Variants in ABHD6 observed in about 807,000 individuals in gnomAD.
ABHD6 encodes abhydrolase domain containing 6, acylglycerol lipase.
A neutral mutation model predicts 38.8 loss-of-function variants in ABHD6; 33 were observed. That is an observed-to-expected ratio of 0.85 (90% CI 0.64 to 1.14). The LOEUF (loss-of-function observed/expected upper bound fraction) is 1.14. ABHD6 is among the 50% of genes most tolerant of loss of function. ABHD6 has a pLI of 0.00. For missense variants in ABHD6, 380 were observed against 422.6 expected, an observed-to-expected ratio of 0.90 and a Z score of 0.88; for synonymous variants, 147 against 161.6, an observed-to-expected ratio of 0.91 and a Z score of 0.69.
At position 58,281,433 on chromosome 3, in the gene ABHD6, GT is replaced by G. The variant is rs995987036; in HGVS notation, c.682-3650del. 1.2e-3 allele frequency among the ~76,000 whole-genome samples: 177 copies of G among 152,332 alleles called. 1 individual carries two copies. Among genetic ancestry groups the G allele is most frequent in the African/African-American group, 4.0e-3 (168 of 41,588 alleles). ...CGGGAGAGAATCTTCTTGTCTGCCA[GT>G]TGCTAAGACCTTGGGAAAAGTGCAG... On this transcript the variant is annotated intron_variant, in intron 7 of 9. Transcript: ENST00000478253.
Position 58,237,821 on chromosome 3 carries a change from G to A in ABHD6, c.-186G>A, listed in dbSNP as rs1193292051. ...TGGGCGCCGGAGCTGGGAGCGGCGC[G>A]GGTAGGAGCCCGGCGGCAGGTCCCA... On this transcript the variant is annotated 5_prime_UTR_variant, in exon 1 of 10. Transcript: ENST00000478253. 6 of 152,182 alleles carry A rather than the reference G, an allele frequency of 3.9e-5. No homozygotes were observed. The highest frequency in any genetic ancestry group is 1.4e-4 in the African/African-American group (6 of 41,538). The allele number at this position is 152,182 out of a possible 1,614,324, so 9.4% of individuals were successfully genotyped here.
chr3:58,241,917 A>G (rs2097423090), intron 1 of ABHD6, among the ~76,000 whole-genome samples: 2 of 152,214 alleles, frequency 1.3e-5, no homozygotes, highest in African/African-American at 2.4e-5. Context: ...GTCACTTGCT[A>G]CAGTCACATG....
rs1011671126 is a variant in ABHD6 at position 58,267,108 on chromosome 3, A to G, written c.120-81A>G. ...TGTGTTATCACTAAGGAAGACTTAT[A>G]GAGAGGACCTGTGCCCATCTTGAAG... On this transcript the variant is annotated intron_variant, in intron 3 of 9. Transcript: ENST00000478253. This position sits in a 1 kb window ranked among gnomAD's most constrained non-coding sequence, Gnocchi z 4.3. The G allele has an allele frequency of 6.9e-7, 1 of 1,448,286 alleles. No individual in the cohort carries two copies. The highest frequency in any genetic ancestry group is 9.5e-7 in the Non-Finnish European group (1 of 1,052,452). The allele number at this position is 1,448,286 out of a possible 1,614,324, so 89.7% of individuals were successfully genotyped here.
intron 3 of ABHD6, chr3:58,258,626 T>C: frequency 4.8e-6 from 1 of 209,938 alleles, no homozygotes; most frequent in Non-Finnish European, 1.0e-5. Context: ...GTGCTATAGG[T>C]AAGCCCATTG....
At chr3:58,258,473 G>A (rs1190902248) in intron 3 of ABHD6, 1 of 337,802 alleles carries the variant, frequency 3.0e-6, no homozygotes. Context: ...AAGGTTAACA[G>A]TCAAAAAGAA....
Position 58,251,593 on chromosome 3 carries a change from A to G in ABHD6, c.-26+1651A>G, listed in dbSNP as rs910035403. 5.9e-5 allele frequency among the ~76,000 whole-genome samples: 9 copies of G among 152,118 alleles called. No individual in the cohort carries two copies. Among genetic ancestry groups the G allele is most frequent in the African/African-American group, 2.2e-4 (9 of 41,424 alleles). ...GATCCACTGACATGTCCCCTATCCAATTAATCTTTGCCACTGTATTCAGAC... is the reference window on the plus strand; with the variant it reads ...GATCCACTGACATGTCCCCTATCCAGTTAATCTTTGCCACTGTATTCAGAC... On this transcript the variant is annotated intron_variant, in intron 2 of 9. Coordinates refer to ENST00000478253, the MANE Select transcript of ABHD6 (RefSeq NM_001320126.2). The surrounding 1 kb of genome is among the most constrained non-coding windows in gnomAD (Gnocchi z 5.4).
intron 3 of ABHD6, among the ~76,000 whole-genome samples, chr3:58,260,601 T>C (rs1302962529): frequency 1.3e-5 from 2 of 152,170 alleles, no homozygotes; most frequent in African/African-American, 4.8e-5. Flanking sequence ...GAGTCACTTA[T>C]ATCCCTTAAC....
At position 58,293,186 on chromosome 3, in the gene ABHD6, C is replaced by T. The variant is rs2107486626; in HGVS notation, c.838-403C>T. Reference sequence around the variant, plus strand: ...CCCCTGCACTCGCCATGATCTCCCACCCTGTGCCATTCCCACATCCGTGAA... The same window carrying T: ...CCCCTGCACTCGCCATGATCTCCCATCCTGTGCCATTCCCACATCCGTGAA... On this transcript the variant is annotated intron_variant, in intron 9 of 9. Transcript: ENST00000478253. This position sits in a 1 kb window ranked among gnomAD's most constrained non-coding sequence, Gnocchi z 4.4. Among the ~76,000 whole-genome samples, 2 of 152,260 alleles carry T rather than the reference C, an allele frequency of 1.3e-5. No homozygotes were observed. Among genetic ancestry groups the T allele is most frequent in the South Asian group, 4.1e-4 (2 of 4,828 alleles).
In ABHD6 at chr3:58,260,477, A is replaced by G. The variant is rs143258143; in HGVS notation, c.119+3772A>G. 3.9e-5 allele frequency among the ~76,000 whole-genome samples: 6 copies of G among 152,334 alleles called. No individual in the cohort carries two copies. In the South Asian group the frequency reaches 8.3e-4, roughly 21 times the overall value. On this transcript the variant is annotated intron_variant, in intron 3 of 9. Coordinates refer to ENST00000478253, the MANE Select transcript of ABHD6 (RefSeq NM_001320126.2). ...ATGCCATTGCAGAGAGCTGTCAGCA[A>G]TCCTGTGAGGCACTTCCTCCGCATC... is the stretch of plus-strand genomic sequence containing the variant.
rs1298083157 is a variant in ABHD6, at chr3:58,256,817, G to T, written c.119+112G>T. On this transcript the variant is annotated intron_variant, in intron 3 of 9. Coordinates refer to ENST00000478253, the MANE Select transcript of ABHD6 (RefSeq NM_001320126.2). The surrounding 1 kb of genome is among the most constrained non-coding windows in gnomAD (Gnocchi z 4.3). Reference sequence around the variant, plus strand: ...ATTTTATCAGGAAGTATTTCAGACAGAGAGAAAAGTTGAAAGGTACTCATC... The same window carrying T: ...ATTTTATCAGGAAGTATTTCAGACATAGAGAAAAGTTGAAAGGTACTCATC... The T allele has an allele frequency of 4.3e-6, 4 of 927,530 alleles. No individual in the cohort carries two copies. The highest frequency in any genetic ancestry group is 6.7e-6 in the Non-Finnish European group (4 of 601,454). 57.5% of individuals were successfully genotyped at this position (927,530 alleles called of 1,614,324 possible). A position where few individuals can be genotyped will look rare whatever the true frequency, so the allele number is the denominator to read the frequency against.
At chr3:58,282,471 C>T (rs1406307337) in intron 7 of ABHD6, among the ~76,000 whole-genome samples, 1 of 152,152 alleles carries the variant, frequency 6.6e-6, no homozygotes. Context: ...GTGGCTTGCA[C>T]CTGTATTCCC....
chr3:58,270,276 A>G, intron 5 of ABHD6, among the ~76,000 whole-genome samples: 1 of 152,130 alleles, frequency 6.6e-6, no homozygotes, highest in South Asian at 2.1e-4. Flanking sequence ...ACTACAGCCC[A>G]TGAGCTATGT....
chr3:58,273,987 C>G lies in ABHD6; in HGVS notation c.524-671C>G, dbSNP rs2097446905. On this transcript the variant is annotated intron_variant, in intron 6 of 9. Coordinates refer to ENST00000478253, the MANE Select transcript of ABHD6 (RefSeq NM_001320126.2). This position sits in a 1 kb window ranked among gnomAD's most constrained non-coding sequence, Gnocchi z 4.8. ...TAGTTTTGCCCTCTTGCATACATAGCATCAGCTTCTGTGGACTCTCGTGTC... is the reference window on the plus strand; with the variant it reads ...TAGTTTTGCCCTCTTGCATACATAGGATCAGCTTCTGTGGACTCTCGTGTC... 6.6e-6 allele frequency among the ~76,000 whole-genome samples: 1 copy of G among 152,198 alleles called. No individual in the cohort carries two copies. Among genetic ancestry groups the G allele is most frequent in the Non-Finnish European group, 1.5e-5 (1 of 68,026 alleles).
At chr3:58,282,861 A>G (rs925848396) in intron 7 of ABHD6, among the ~76,000 whole-genome samples, 2 of 152,202 alleles carry the variant, frequency 1.3e-5, no homozygotes, top group African/African-American at 4.8e-5. Flanking sequence ...GAGGCCTCCA[A>G]GTGCAGAGGT....
chr3:58,289,230 T>TG (rs1429594151), intron 9 of ABHD6, among the ~76,000 whole-genome samples: 1 of 151,018 alleles, frequency 6.6e-6, no homozygotes, highest in African/African-American at 2.4e-5. Flanking sequence ...AATTTTTTAT[T>TG]TTTTTTATTT....
At chr3:58,254,444 C>T (rs2363685) in intron 2 of ABHD6, among the ~76,000 whole-genome samples, 1 of 152,206 alleles carries the variant, frequency 6.6e-6, no homozygotes, top group Non-Finnish European at 1.5e-5. Context: ...TCCCACAGTG[C>T]TAAAATCGTC....
At chr3:58,272,001 G>C (rs1430324908) in intron 6 of ABHD6, among the ~76,000 whole-genome samples, 1 of 151,934 alleles carries the variant, frequency 6.6e-6, no homozygotes, top group Non-Finnish European at 1.5e-5. Flanking sequence ...TGTTGGCTAG[G>C]ATCCTGTTGG....
Position 58,257,137 on chromosome 3 carries a change from G to A in ABHD6, c.119+432G>A, listed in dbSNP as rs889836787. On this transcript the variant is annotated intron_variant, in intron 3 of 9. Transcript: ENST00000478253. This position sits in a 1 kb window ranked among gnomAD's most constrained non-coding sequence, Gnocchi z 4.8. ...TGGCCAGGCTGGTCTCCAACTCCTG[G>A]CCTCAAGTGATCTTCCCATCTTGCC... Among the ~76,000 whole-genome samples, 1 of 152,040 alleles carries A rather than the reference G, an allele frequency of 6.6e-6. No individual in the cohort carries two copies. The highest frequency in any genetic ancestry group is 2.4e-5 in the African/African-American group (1 of 41,476).
intron 1 of ABHD6, among the ~76,000 whole-genome samples, chr3:58,239,772 T>C (rs1435291591): frequency 6.6e-6 from 1 of 152,012 alleles, no homozygotes; most frequent in Non-Finnish European, 1.5e-5. Flanking sequence ...TGGTTTGCAG[T>C]ATGCGTTGGG....
Sources: gnomAD v4.1 joint callset for allele counts (sites outside exome capture counted in the v4.1 genomes callset) on GRCh38, gnomAD v4.1.1 for gene constraint, Gnocchi (gnomAD v3.1) non-coding constraint, MANE v1.5 for transcripts, NCBI Gene and HGNC (gene_info 2026-07-23, HGNC 2026-07-21) for gene names.